PCNT: variants seen among roughly 807,000 people sequenced by gnomAD.
PCNT encodes the protein pericentrin, also known as kendrin.
PCNT carries 319 observed loss-of-function variants against 380.4 expected under a neutral mutation model. The ratio of observed to expected loss-of-function variants is 0.84; its 90% CI spans 0.77 to 0.92. The LOEUF (loss-of-function observed/expected upper bound fraction) is 0.92. Among genes scored for constraint, PCNT ranks in the 40% least tolerant of loss-of-function variants. The probability of loss-of-function intolerance (pLI) is 0.00; values close to 1 mark genes in which losing one functional copy is unlikely to be tolerated. For synonymous variants in PCNT, 1,845 were observed against 1,735.2 expected (o/e 1.06, Z -1.57); for missense variants, 4,400 against 4,255.3 (o/e 1.03, Z -0.95).
At position 46,328,762 on chromosome 21, in the gene PCNT, T is replaced by A. The variant is rs1410893909; in HGVS notation, c.267+2173T>A. ...AGGCGTGAGCCACTGCACCCGGCCC[T>A]CTGGTTGCACATACTTTTTTTTTTT... On this transcript the variant is annotated intron_variant, in intron 2 of 46. Transcript: ENST00000359568. Among the ~76,000 whole-genome samples the A allele has an allele frequency of 2.0e-5, 3 of 147,212 alleles. No individual in the cohort carries two copies. The East Asian group carries it at 6.2e-4, about 30-fold the overall frequency.
At chr21:46,418,435 C>G (rs759419212) in intron 31 of PCNT, 129 bp downstream of exon 31, 2 of 698,884 alleles carry the variant, frequency 2.9e-6, no homozygotes, top group Non-Finnish European at 5.2e-6. Flanking sequence ...CCCGGCTCTG[C>G]GCTTTGTCGG....
rs1315814227 is a variant in PCNT at position 46,425,942 on chromosome 21, G to T, written c.7291G>T (p.Asp2431Tyr). Reference protein sequence around the residue: ...HPPRKEDEIQDISLHGGKTQE... With the variant: ...HPPRKEDEIQYISLHGGKTQE... ...ACCCCGGAAGGAAGACGAGATACAGGACATCTCGCTCCATGGGGGAAAGAC... is the reference window on the plus strand; with the variant it reads ...ACCCCGGAAGGAAGACGAGATACAGTACATCTCGCTCCATGGGGGAAAGAC... Residue 2431 changes from aspartate (D) to tyrosine (Y), a missense_variant, in exon 33 of 47, where the codon GAC (aspartate) becomes TAC (tyrosine). Asp to Tyr is a radical substitution (Grantham distance 160). Transcript: ENST00000359568. The surrounding 1 kb of genome is among the most constrained non-coding windows in gnomAD (Gnocchi z 4.2). 2 of 1,613,976 alleles carry T rather than the reference G, an allele frequency of 1.2e-6. No individual in the cohort carries two copies. The highest frequency in any genetic ancestry group is 1.7e-6 in the Non-Finnish European group (2 of 1,180,030).
At chr21:46,424,714 G>C (rs1160545757) in intron 32 of PCNT, among the ~76,000 whole-genome samples, 5 of 81,052 alleles carry the variant, frequency 6.2e-5, no homozygotes, top group Admixed American at 1.3e-4. Context: ...CTCCCACTGC[G>C]CCCCCCCCAA....
At chr21:46,413,257 GCCCCC>G (rs1455791037) in intron 29 of PCNT, among the ~76,000 whole-genome samples, 1 of 124,274 alleles carries the variant, frequency 8.0e-6, no homozygotes, top group African/African-American at 3.7e-5. Flanking sequence ...AAGGCGTGAG[GCCCCC>G]CTGGGAGAGG....
At chr21:46,401,399 T>C (rs926905881) in intron 25 of PCNT, 152 bp from the exon 26 acceptor site, 7 of 680,160 alleles carry the variant, frequency 1.0e-5, no homozygotes, top group Non-Finnish European at 1.6e-5. Flanking sequence ...TGGGTGCCAG[T>C]GTTGCCTGGT....
Position 46,437,030 on chromosome 21 carries a change from G to T in PCNT, c.9048G>T (p.Leu3016=). 1 of 1,614,170 alleles carries T rather than the reference G, an allele frequency of 6.2e-7. No homozygotes were observed. The highest frequency in any genetic ancestry group is 8.5e-7 in the Non-Finnish European group (1 of 1,179,990). The change falls in exon 40 of 47, where the codon CTG becomes CTT. Residue 3016 remains leucine, a synonymous_variant. Transcript: ENST00000359568. The part of the protein sequence containing the change: ...SSNEKAVMSL[L]HTLEELKSDL... ...ATGAGAAAGCAGTGATGTCTTTACT[G>T]CACACGTTGGAGGAGCTGAAGTCTG...
chr21:46,359,010 G>A (rs138299711), intron 13 of PCNT, among the ~76,000 whole-genome samples: 7,088 of 151,226 alleles, frequency 0.047, 528 homozygotes, highest in African/African-American at 0.16. Context: ...AGGTTTCACC[G>A]TGTTAGCCAG....
chr21:46,324,540 C>T (rs1173485617), intron 1 of PCNT, among the ~76,000 whole-genome samples: 1 of 108,006 alleles, frequency 9.3e-6, no homozygotes, highest in Non-Finnish European at 2.0e-5. Flanking sequence ...CTCGGGCGGG[C>T]CGGGGCGGGG....
chr21:46,344,357 A>C (rs966240387), intron 3 of PCNT, among the ~76,000 whole-genome samples: 1 of 152,086 alleles, frequency 6.6e-6, no homozygotes, highest in Non-Finnish European at 1.5e-5. Context: ...TCCAGGTGTG[A>C]ACCACCGCGC....
rs776095839 is a variant in PCNT at position 46,399,702 on chromosome 21, G to A, written c.4697G>A (p.Arg1566His). ...QVLMQEEEIKRLEEMNINIRK... is the reference protein window; with the variant it reads ...QVLMQEEEIKHLEEMNINIRK... ...TTAATGCAGGAAGAAGAAATTAAACGTCTGGAGGAGATGAACATCAACATC... is the reference window on the plus strand; with the variant it reads ...TTAATGCAGGAAGAAGAAATTAAACATCTGGAGGAGATGAACATCAACATC... The change falls in exon 25 of 47, where the codon CGT becomes CAT. Residue 1566 changes from arginine (R) to histidine (H), a missense_variant. By Grantham distance (29) the Arg-to-His change is conservative (BLOSUM62 0). Transcript: ENST00000359568. The A allele has an allele frequency of 3.7e-6, 6 of 1,613,938 alleles. No individual in the cohort carries two copies. Among genetic ancestry groups the A allele is most frequent in the South Asian group, 1.1e-5 (1 of 91,080 alleles).
At chr21:46,362,063 C>G (rs2084739974) in intron 13 of PCNT, among the ~76,000 whole-genome samples, 2 of 152,202 alleles carry the variant, frequency 1.3e-5, no homozygotes, top group Non-Finnish European at 2.9e-5. Context: ...TCTGTTGCAG[C>G]AGGCAGTTCA....
At chr21:46,372,851 G>A (rs746834238) in intron 15 of PCNT, among the ~76,000 whole-genome samples, 12 of 152,202 alleles carry the variant, frequency 7.9e-5, no homozygotes, top group Admixed American at 2.0e-4. Context: ...GCTGGGTATC[G>A]TGTGGGTCTG....
chr21:46,356,881 C>T, intron 12 of PCNT, 93 bp from the exon 13 acceptor site: 1 of 1,006,442 alleles, frequency 9.9e-7, no homozygotes, highest in East Asian at 2.4e-5. Flanking sequence ...CTGTCAGAAG[C>T]ATTTATAGGT....
chr21:46,347,432 G>A, intron 5 of PCNT, 25 bp from the exon 6 acceptor site: 6 of 1,613,864 alleles, frequency 3.7e-6, no homozygotes, highest in Non-Finnish European at 4.2e-6. Context: ...GGAGTGGCCT[G>A]AGCTGCTTTT....
intron 28 of PCNT, among the ~76,000 whole-genome samples, chr21:46,412,330 C>T (rs1034395270): frequency 1.3e-5 from 2 of 152,212 alleles, no homozygotes; most frequent in Non-Finnish European, 2.9e-5. Context: ...TTCTTTCTTT[C>T]ACATAATAGG....
At chr21:46,396,070 A>G (rs1260027636) in intron 21 of PCNT, among the ~76,000 whole-genome samples, 2 of 151,060 alleles carry the variant, frequency 1.3e-5, no homozygotes, top group African/African-American at 2.4e-5. Flanking sequence ...TTCAGGATTC[A>G]GCAGCAGAGA....
intron 16 of PCNT, among the ~76,000 whole-genome samples, chr21:46,383,264 G>T (rs1055742484): frequency 2.7e-5 from 4 of 146,932 alleles, no homozygotes; most frequent in Non-Finnish European, 4.5e-5. Flanking sequence ...AGTGATGGAA[G>T]CGCATTCACA....
chr21:46,439,973 C>A, intron 41 of PCNT, 110 bp from the exon 42 acceptor site: 1 of 1,351,566 alleles, frequency 7.4e-7, no homozygotes, highest in Non-Finnish European at 1.1e-6. Context: ...GTGTGGTCAG[C>A]CTGGCCTCCC....
Position 46,388,916 on chromosome 21 carries a change from G to A in PCNT, c.3607+32G>A. ...GTGCCGGGACCAGCTGCCCAGCCCT[G>A]TGCTTGCAGCCCCTCTGTGGTCCTG... is the stretch of plus-strand genomic sequence containing the variant. On this transcript the variant is annotated intron_variant, in intron 18 of 46. Coordinates refer to ENST00000359568, the MANE Select transcript of PCNT (RefSeq NM_006031.6). The surrounding 1 kb of genome is among the most constrained non-coding windows in gnomAD (Gnocchi z 4.2). 7.0e-6 allele frequency: 11 copies of A among 1,567,352 alleles called. No individual in the cohort carries two copies. The highest frequency in any genetic ancestry group is 5.7e-5 in the South Asian group (5 of 87,646).
Sources: allele counts gnomAD v4.1 joint callset (sites outside exome capture counted in the v4.1 genomes callset), GRCh38; gene constraint gnomAD v4.1.1; non-coding constraint Gnocchi (gnomAD v3.1); transcripts MANE v1.5; gene names NCBI Gene and HGNC (gene_info 2026-07-23, HGNC 2026-07-21).